The following LRP1B variants were observed in gnomAD, a reference collection of about 807,000 sequenced individuals.
The protein encoded by LRP1B is LDL receptor related protein 1B.
LRP1B carries 217 observed loss-of-function variants against 556.6 expected under a neutral mutation model. The ratio of observed to expected loss-of-function variants is 0.39; its 90% CI spans 0.35 to 0.44. The LOEUF (loss-of-function observed/expected upper bound fraction) is 0.44. LRP1B is among the 20% of genes least tolerant of loss of function. The pLI is 1.00. For synonymous variants in LRP1B, 2,047 were observed against 1,865.8 expected, an observed-to-expected ratio of 1.10 and a Z score of -2.50; for missense variants, 5,053 against 5,620.8, an observed-to-expected ratio of 0.90 and a Z score of 3.23.
chr2:141,522,640 A>T (rs1559119929), intron 2 of LRP1B, among the ~76,000 whole-genome samples: 1 of 152,150 alleles, frequency 6.6e-6, no homozygotes. Context: ...AAGTGAATAG[A>T]ATCAATAGGA....
intron 7 of LRP1B, among the ~76,000 whole-genome samples, chr2:141,156,921 T>A (rs1702081737): frequency 6.6e-6 from 1 of 152,022 alleles, no homozygotes; most frequent in Non-Finnish European, 1.5e-5. Context: ...AATTTTGGGG[T>A]GGTAAAAATT....
intron 2 of LRP1B, among the ~76,000 whole-genome samples, chr2:141,677,160 G>A (rs547196952): frequency 2.0e-4 from 30 of 152,126 alleles, no homozygotes; most frequent in Admixed American, 6.5e-4. Context: ...CCTGAAGAAC[G>A]AATACAAATT....
chr2:141,787,312 T>C (rs1317645936), intron 2 of LRP1B, among the ~76,000 whole-genome samples: 2 of 152,016 alleles, frequency 1.3e-5, no homozygotes, highest in African/African-American at 4.8e-5. Context: ...GCTGTATTCA[T>C]AGTCGCACCA....
At chr2:140,800,229 C>T (rs1690460505) in intron 32 of LRP1B, among the ~76,000 whole-genome samples, 2 of 151,894 alleles carry the variant, frequency 1.3e-5, no homozygotes, top group Non-Finnish European at 1.5e-5. Flanking sequence ...AGGGGAACAT[C>T]ACACACTGGG....
intron 84 of LRP1B, among the ~76,000 whole-genome samples, chr2:140,282,045 C>T (rs944895790): frequency 1.3e-5 from 2 of 151,716 alleles, no homozygotes; most frequent in African/African-American, 4.8e-5. Flanking sequence ...TAAGTCCAGT[C>T]CTTCCTCGGT....
chr2:141,176,156 G>T lies in LRP1B; in HGVS notation c.1013+12265C>A, dbSNP rs112478886. 6.0e-3 allele frequency among the ~76,000 whole-genome samples: 920 copies of T among 152,150 alleles called. 10 individuals carry two copies. The highest frequency in any genetic ancestry group is 0.02 in the African/African-American group (845 of 41,528). On this transcript the variant is annotated intron_variant, in intron 7 of 90. Transcript: ENST00000389484. ...TTTCCTTGTCTCAGATAAGACTTTG[G>T]ACTTGGACTTTTGAGTCAATGCTGG...
At chr2:141,725,636 T>A (rs549582995) in intron 2 of LRP1B, among the ~76,000 whole-genome samples, 1 of 151,996 alleles carries the variant, frequency 6.6e-6, no homozygotes, top group Admixed American at 6.6e-5. Flanking sequence ...TAAATTAAAA[T>A]TTTAAAAAGA....
intron 7 of LRP1B, among the ~76,000 whole-genome samples, chr2:141,186,872 C>T (rs561976075): frequency 6.6e-6 from 1 of 151,870 alleles, no homozygotes; most frequent in Non-Finnish European, 1.5e-5. Flanking sequence ...TTGAAAAGGG[C>T]CTCTGGATCT....
intron 7 of LRP1B, among the ~76,000 whole-genome samples, chr2:141,143,932 C>G (rs1393596170): frequency 6.6e-6 from 1 of 151,954 alleles, no homozygotes; most frequent in African/African-American, 2.4e-5. Context: ...TAAACAGAAC[C>G]AGGTCTTTTG....
chr2:140,898,863 C>A (rs1028752589), intron 23 of LRP1B: 1 of 446,346 alleles, frequency 2.2e-6, no homozygotes, highest in Non-Finnish European at 4.5e-6. Context: ...GTATACCTGA[C>A]ATAGTAGGAG....
chr2:141,128,293 AAAC>A (rs1035533289), intron 7 of LRP1B, among the ~76,000 whole-genome samples: 6 of 152,246 alleles, frequency 3.9e-5, no homozygotes, highest in African/African-American at 1.4e-4. Flanking sequence ...TAACAGAACA[AAAC>A]AACAACAACA....
chr2:141,563,266 A>C (rs1686225583), intron 2 of LRP1B, among the ~76,000 whole-genome samples: 1 of 152,032 alleles, frequency 6.6e-6, no homozygotes, highest in Non-Finnish European at 1.5e-5. Flanking sequence ...TTTTGTTAGA[A>C]ATGTTGATCC....
chr2:140,287,051 G>A (rs1050310186), intron 84 of LRP1B, among the ~76,000 whole-genome samples: 4 of 151,662 alleles, frequency 2.6e-5, no homozygotes, highest in African/African-American at 4.8e-5. Context: ...AGTTTTACAC[G>A]ATTAAAAAAG....
In LRP1B at chr2:141,535,773, T is replaced by TG. The variant is rs1440231202; in HGVS notation, c.206-55241dup. On this transcript the variant is annotated intron_variant, in intron 2 of 90. Transcript: ENST00000389484. Reference sequence around the variant, plus strand: ...TTCTTCATGATGGTCCCATGGCCTATGAAGGTTAATGACCCTTCAAAAGCA... The same window carrying TG: ...TTCTTCATGATGGTCCCATGGCCTATGGAAGGTTAATGACCCTTCAAAAGCA... Among the ~76,000 whole-genome samples, 3 of 152,232 alleles carry TG rather than the reference T, an allele frequency of 2.0e-5. No homozygotes were observed. The South Asian group carries it at 6.2e-4, about 32-fold the overall frequency.
At chr2:140,309,928 T>TTC (rs2307708) in intron 83 of LRP1B, among the ~76,000 whole-genome samples, 67,459 of 151,368 alleles carry the variant, frequency 0.45, 15,292 homozygotes, top group African/African-American at 0.5. Flanking sequence ...CTAAATTTTG[T>TTC]TTTTTTATTA....
At chr2:140,814,267 G>A (rs1559135033) in intron 31 of LRP1B, among the ~76,000 whole-genome samples, 1 of 152,064 alleles carries the variant, frequency 6.6e-6, no homozygotes, top group Non-Finnish European at 1.5e-5. Context: ...CATGAGCCAT[G>A]GCACCCAGCC....
chr2:140,257,452 C>T (rs1396235253), intron 86 of LRP1B, among the ~76,000 whole-genome samples: 2 of 152,122 alleles, frequency 1.3e-5, no homozygotes, highest in Middle Eastern at 6.4e-3. Flanking sequence ...ATCAGAGCTG[C>T]TTGATAATAG....
At chr2:140,263,622 C>T (rs1269913523) in intron 86 of LRP1B, among the ~76,000 whole-genome samples, 4 of 152,082 alleles carry the variant, frequency 2.6e-5, no homozygotes, top group Non-Finnish European at 5.9e-5. Context: ...TAATCGCTTG[C>T]AGTTTCTACC....
chr2:142,033,890 G>A (rs12617185), intron 1 of LRP1B, among the ~76,000 whole-genome samples: 12,400 of 151,792 alleles, frequency 0.082, 1,151 homozygotes, highest in African/African-American at 0.22. Flanking sequence ...AAAAGCTACT[G>A]TTCAATAGGC....
Sources: gnomAD v4.1 joint callset for allele counts (sites outside exome capture counted in the v4.1 genomes callset) on GRCh38, gnomAD v4.1.1 for gene constraint, MANE v1.5 for transcripts, NCBI Gene and HGNC (gene_info 2026-07-23, HGNC 2026-07-21) for gene names.